The following TBC1D21 variants were observed in gnomAD, a reference collection of about 807,000 sequenced individuals.
The protein encoded by TBC1D21 is TBC1 domain family member 21, also known as male germ cell Rab GTPase-activating protein.
In TBC1D21, 38 loss-of-function variants were observed where a neutral mutation model predicts 46.0. The ratio of observed to expected loss-of-function variants is 0.83; its 90% CI spans 0.64 to 1.08. The LOEUF (loss-of-function observed/expected upper bound fraction) is 1.08. Ranked by LOEUF, TBC1D21 falls within the 50% of genes least tolerant of loss-of-function variation. The pLI, the probability that TBC1D21 is intolerant of heterozygous loss-of-function variation, is 0.00. For missense variants in TBC1D21, 415 were observed against 417.9 expected (o/e 0.99, Z 0.06); for synonymous variants, 151 against 157.2 (o/e 0.96, Z 0.29).
the TBC1D21 span, among the ~76,000 whole-genome samples, chr15:73,902,363 T>C: frequency 1.3e-5 from 2 of 152,050 alleles, no homozygotes; most frequent in African/African-American, 4.8e-5. Flanking sequence ...ATGGAAGGCC[T>C]GTCTCTGGAG....
chr15:73,893,618 G>A (rs1276901811), downstream of TBC1D21, among the ~76,000 whole-genome samples: 2 of 152,184 alleles, frequency 1.3e-5, no homozygotes, highest in Non-Finnish European at 2.9e-5. Context: ...CTGCACAGAG[G>A]CACCGTGGAT....
At chr15:73,881,958 G>T (rs1014599689) in intron 3 of TBC1D21, among the ~76,000 whole-genome samples, 14 of 152,118 alleles carry the variant, frequency 9.2e-5, no homozygotes, top group Admixed American at 7.9e-4. Context: ...CCCATCAACT[G>T]CCAGGCATGG....
rs766905241 is a variant in TBC1D21, at chr15:73,884,908, C to T, written c.478+17C>T. The T allele has an allele frequency of 6.2e-7, 1 of 1,612,590 alleles. No homozygotes were observed. The highest frequency in any genetic ancestry group is 1.7e-5 in the Admixed American group (1 of 59,992). ...CGCAGGCAGGTGAGCCTCAGCCTCC[C>T]CTTGTCAATGCCCTCCCAGGACCTG... On this transcript the variant is annotated intron_variant, in intron 5 of 10. Transcript: ENST00000300504.
At chr15:73,881,303 G>C (rs763764369) in intron 1 of TBC1D21, 96 bp from the exon 2 acceptor site, 17 of 857,994 alleles carry the variant, frequency 2.0e-5, no homozygotes, top group Non-Finnish European at 3.0e-5. Flanking sequence ...TGTGCGCTTT[G>C]ATACATATTG....
chr15:73,893,871 C>T (rs2068355993), downstream of TBC1D21, among the ~76,000 whole-genome samples: 1 of 152,196 alleles, frequency 6.6e-6, no homozygotes, highest in Admixed American at 6.5e-5. Context: ...TGGGCTGGAG[C>T]TTCAGGAGGT....
At chr15:73,885,723 G>T (rs1383951088) in intron 6 of TBC1D21, among the ~76,000 whole-genome samples, 3 of 151,664 alleles carry the variant, frequency 2.0e-5, no homozygotes, top group Admixed American at 1.3e-4. Context: ...GTCCCAGTTG[G>T]CTCTGCCCCA....
Position 73,889,112 on chromosome 15 carries a change from G to T in TBC1D21, c.*11G>T, listed in dbSNP as rs775206708. 6.2e-7 allele frequency: 1 copy of T among 1,612,136 alleles called. No homozygotes were observed. The highest frequency in any genetic ancestry group is 8.5e-7 in the Non-Finnish European group (1 of 1,179,174). On this transcript the variant is annotated 3_prime_UTR_variant, in exon 11 of 11. Transcript: ENST00000300504. ...GATTTCTTCCTCTGAGGACACCAAA[G>T]CCCGCAGTGGACTGATGCCTTCGAT...
chr15:73,873,806 C>G lies in TBC1D21; in HGVS notation c.60+37C>G, dbSNP rs772678199. 20 of 1,598,194 alleles carry G rather than the reference C, an allele frequency of 1.3e-5. No homozygotes were observed. In the South Asian group the frequency reaches 2.2e-4, roughly 18 times the overall value. The stretch of plus-strand genomic sequence containing the variant: ...TTGTCAGCTCTGAGTGCCTCCCTCC[C>G]CAGCCTCTGGTTGGCACTGGGACCA... On this transcript the variant is annotated intron_variant, in intron 1 of 10. Coordinates refer to ENST00000300504, the MANE Select transcript of TBC1D21 (RefSeq NM_153356.3).
the TBC1D21 span, among the ~76,000 whole-genome samples, chr15:73,904,332 G>A: frequency 1.3e-5 from 2 of 152,244 alleles, no homozygotes; most frequent in Admixed American, 6.5e-5. Flanking sequence ...AGGCATGCAG[G>A]AAGCCCCTTC....
At chr15:73,886,026 C>T (rs147253961) in intron 6 of TBC1D21, 52 bp from the exon 7 acceptor site, 172 of 1,522,934 alleles carry the variant, frequency 1.1e-4, no homozygotes, top group Non-Finnish European at 1.5e-4. Context: ...TTGACTCTTC[C>T]GGTGCCTTGA....
At chr15:73,909,576 G>A in the TBC1D21 span, among the ~76,000 whole-genome samples, 45,567 of 151,892 alleles carry the variant, frequency 0.3, 7,299 homozygotes, top group Middle Eastern at 0.49. Context: ...TCATGTTTGC[G>A]TAAGGCCATG....
At chr15:73,886,488 C>T in intron 7 of TBC1D21, 24 bp from the exon 8 acceptor site, 1 of 1,607,894 alleles carries the variant, frequency 6.2e-7, no homozygotes, top group Non-Finnish European at 8.5e-7. Context: ...CCCCTGACCA[C>T]AGCCTCACCT....
chr15:73,882,472 A>T (rs1434738184), intron 3 of TBC1D21, among the ~76,000 whole-genome samples: 2 of 152,012 alleles, frequency 1.3e-5, no homozygotes, highest in Non-Finnish European at 2.9e-5. Flanking sequence ...TCATCTGCCT[A>T]TCAGTAGCCC....
chr15:73,888,651 C>T lies in TBC1D21; in HGVS notation c.978+138C>T. On this transcript the variant is annotated intron_variant, in intron 10 of 10. Coordinates refer to ENST00000300504, the MANE Select transcript of TBC1D21 (RefSeq NM_153356.3). ...CTTCCTCCTCCTCTTCTTCTTCCTC[C>T]TCCTCTTCTTCCTCCTCCTCTTCCT... is the stretch of plus-strand genomic sequence containing the variant. The T allele has an allele frequency of 4.3e-6, 3 of 698,744 alleles. No homozygotes were observed. The East Asian group carries it at 8.1e-5, about 19-fold the overall frequency. The allele number at this position is 698,744 out of a possible 1,614,324, so 43.3% of individuals were successfully genotyped here. A position where few individuals can be genotyped will look rare whatever the true frequency, so the allele number is the denominator to read the frequency against.
chr15:73,882,850 C>T (rs1425648066), intron 3 of TBC1D21, among the ~76,000 whole-genome samples: 1 of 152,224 alleles, frequency 6.6e-6, no homozygotes. Context: ...GCCGGAGGCC[C>T]TTGACTTGCA....
At chr15:73,893,831 G>T (rs1178835959), downstream of TBC1D21, among the ~76,000 whole-genome samples, 4 of 152,162 alleles carry the variant, frequency 2.6e-5, no homozygotes, top group Admixed American at 1.3e-4. Context: ...GGCCTCCACT[G>T]CCCAGGACCC....
chr15:73,905,030 C>T, the TBC1D21 span, among the ~76,000 whole-genome samples: 11 of 152,156 alleles, frequency 7.2e-5, no homozygotes, highest in Admixed American at 5.9e-4. Context: ...CAAACAAAGA[C>T]CGTAGCAGCA....
rs373335591 is a variant in TBC1D21 at position 73,884,251 on chromosome 15, C to G, written c.367+6C>G. The G allele has an allele frequency of 6.2e-7, 1 of 1,613,602 alleles. No individual in the cohort carries two copies. ...AGAGACTCGCAATAACATTGGTGAG[C>G]AAAGTGGGGTGGAGAGGGCTGGGCA... is the stretch of plus-strand genomic sequence containing the variant. On this transcript the variant is annotated splice_donor_region_variant and intron_variant, in intron 4 of 10. Transcript: ENST00000300504.
At chr15:73,885,596 C>T (rs897227914) in intron 6 of TBC1D21, among the ~76,000 whole-genome samples, 1 of 152,000 alleles carries the variant, frequency 6.6e-6, no homozygotes, top group African/African-American at 2.4e-5. Flanking sequence ...GGTGCAGCTC[C>T]CTGGAACACC....
Sources: gnomAD v4.1 joint callset for allele counts (sites outside exome capture counted in the v4.1 genomes callset) on GRCh38, gnomAD v4.1.1 for gene constraint, MANE v1.5 for transcripts, NCBI Gene and HGNC (gene_info 2026-07-23, HGNC 2026-07-21) for gene names.